Variants in UBXN2B observed in about 807,000 individuals in gnomAD.
UBXN2B encodes the protein UBX domain-containing protein 2B.
UBXN2B carries 19 observed loss-of-function variants against 37.5 expected under a neutral mutation model. That is an observed-to-expected ratio of 0.51 (90% CI 0.35 to 0.74). The LOEUF is 0.74. Ranked by LOEUF, UBXN2B falls within the 30% of genes least tolerant of loss-of-function variation. UBXN2B has a pLI of 0.01. For missense variants in UBXN2B, 370 were observed against 393.2 expected, an observed-to-expected ratio of 0.94 and a Z score of 0.50; for synonymous variants, 145 against 143.8, an observed-to-expected ratio of 1.01 and a Z score of -0.06.
chr8:58,438,629 T>C (rs1476107698), intron 5 of UBXN2B, among the ~76,000 whole-genome samples: 1 of 152,250 alleles, frequency 6.6e-6, no homozygotes, highest in Admixed American at 6.5e-5. Context: ...TATACCACCA[T>C]TCTATCTTAG....
chr8:58,411,417 A>T lies in UBXN2B; in HGVS notation c.32A>T (p.Glu11Val). The T allele has an allele frequency of 7.9e-7, 1 of 1,270,708 alleles. No individual in the cohort carries two copies. The highest frequency in any genetic ancestry group is 1.0e-6 in the Non-Finnish European group (1 of 1,002,762). The allele number at this position is 1,270,708 out of a possible 1,614,324, so 78.7% of individuals were successfully genotyped here. MAEGGGPEPG[E>V]QERRSSGPRP... ...GAGGGCGGAGGCCCTGAGCCCGGCG[A>T]GCAGGAGAGGAGGTCTTCCGGGCCG... The change falls in exon 1 of 8, where the codon GAG becomes GTG. Residue 11 changes from glutamate (E) to valine (V), a missense_variant. This residue lies in a region of UBXN2B where 197 missense variants were observed against 170.2 expected (regional missense o/e 1.16). Transcript: ENST00000399598.
chr8:58,445,408 A>G (rs887048854), intron 6 of UBXN2B, among the ~76,000 whole-genome samples: 1 of 152,246 alleles, frequency 6.6e-6, no homozygotes, highest in Non-Finnish European at 1.5e-5. Flanking sequence ...TAGTGCTGAT[A>G]ATATGTTCAC....
chr8:58,426,608 G>C (rs1225799614), intron 2 of UBXN2B: 1 of 749,640 alleles, frequency 1.3e-6, no homozygotes, highest in South Asian at 1.3e-5. Context: ...AAAAACTGCT[G>C]TCAGCTCCTC....
At chr8:58,418,266 A>AG (rs1402752132) in intron 2 of UBXN2B, among the ~76,000 whole-genome samples, 79 of 144,558 alleles carry the variant, frequency 5.5e-4, no homozygotes, top group African/African-American at 1.9e-3. Flanking sequence ...AAAAAAAAAA[A>AG]TTAATAGTAA....
chr8:58,415,848 A>G (rs1434336165), intron 1 of UBXN2B, among the ~76,000 whole-genome samples: 1 of 152,064 alleles, frequency 6.6e-6, no homozygotes, highest in Non-Finnish European at 1.5e-5. Flanking sequence ...GTGGGAGGGT[A>G]GGGGTAAAAA....
At chr8:58,424,224 TA>T (rs1216564412) in intron 2 of UBXN2B, among the ~76,000 whole-genome samples, 1 of 124,172 alleles carries the variant, frequency 8.1e-6, no homozygotes, top group African/African-American at 3.0e-5. Flanking sequence ...GTTAAGGTTA[TA>T]AAAAGAAAAA....
chr8:58,435,033 C>A (rs1203355305), intron 5 of UBXN2B: 8 of 1,474,516 alleles, frequency 5.4e-6, no homozygotes, highest in Non-Finnish European at 7.2e-6. Flanking sequence ...CTTACCAGCT[C>A]TTCTTGCTAA....
chr8:58,433,016 T>C, intron 3 of UBXN2B, 144 bp from the exon 4 acceptor site: 6 of 567,960 alleles, frequency 1.1e-5, no homozygotes, highest in Non-Finnish European at 1.5e-5. Flanking sequence ...AGTCAAGTCT[T>C]ATGGTAATTT....
chr8:58,429,490 A>C (rs1364106972), intron 2 of UBXN2B, among the ~76,000 whole-genome samples: 1 of 152,084 alleles, frequency 6.6e-6, no homozygotes, highest in African/African-American at 2.4e-5. Context: ...ATGAAGCCCC[A>C]CCTCCACCTT....
chr8:58,443,566 G>A (rs1808600996), intron 6 of UBXN2B, among the ~76,000 whole-genome samples: 1 of 151,068 alleles, frequency 6.6e-6, no homozygotes, highest in Non-Finnish European at 1.5e-5. Flanking sequence ...GCCGAGGCAG[G>A]CAGATGACTT....
rs187179075 is a variant in UBXN2B, at chr8:58,424,695, G to T, written c.189-5824G>T. 2.4e-4 allele frequency: 322 copies of T among 1,333,430 alleles called. 2 individuals carry two copies. In the African/African-American group the frequency reaches 3.2e-3, roughly 13 times the overall value. The allele number at this position is 1,333,430 out of a possible 1,614,324, so 82.6% of individuals were successfully genotyped here. A position where few individuals can be genotyped will look rare whatever the true frequency, so the allele number is the denominator to read the frequency against. On this transcript the variant is annotated intron_variant, in intron 2 of 7. Coordinates refer to ENST00000399598, the MANE Select transcript of UBXN2B (RefSeq NM_001077619.2). ...GGAGTTGGAGTACAAGGCGGGGGGG[G>T]GGGCTCTGATCTCCACTCGTCTGGT...
intron 2 of UBXN2B, chr8:58,425,684 T>A: frequency 8.6e-7 from 1 of 1,165,492 alleles, no homozygotes; most frequent in East Asian, 2.4e-5. Context: ...GTTCTCGAAT[T>A]CTGCTATTTC....
intron 6 of UBXN2B, among the ~76,000 whole-genome samples, chr8:58,441,348 C>CGTGTATATATATATATATATAT (rs1242681481): frequency 9.6e-6 from 1 of 104,660 alleles, no homozygotes; most frequent in African/African-American, 4.0e-5. Flanking sequence ...TTGTGATCAA[C>CGTGTATATATATATATATATAT]ATATATATAT....
At chr8:58,412,926 C>T (rs1029247158) in intron 1 of UBXN2B, among the ~76,000 whole-genome samples, 8 of 152,260 alleles carry the variant, frequency 5.3e-5, no homozygotes, top group African/African-American at 1.9e-4. Context: ...TATAACTTTC[C>T]CTGGCTAGTC....
At chr8:58,415,179 A>T (rs974974837) in intron 1 of UBXN2B, among the ~76,000 whole-genome samples, 3 of 152,096 alleles carry the variant, frequency 2.0e-5, no homozygotes, top group Non-Finnish European at 4.4e-5. Flanking sequence ...ATTACGTGCT[A>T]TGAGTATTTA....
chr8:58,439,937 T>C (rs1263660289), intron 6 of UBXN2B, among the ~76,000 whole-genome samples, 167 bp downstream of exon 6: 1 of 137,978 alleles, frequency 7.2e-6, no homozygotes, highest in Non-Finnish European at 1.6e-5. Context: ...GTGATACCAT[T>C]ATATCATAAT....
intron 5 of UBXN2B, among the ~76,000 whole-genome samples, chr8:58,438,502 T>G (rs1808470461): frequency 1.3e-5 from 2 of 152,206 alleles, no homozygotes; most frequent in Non-Finnish European, 2.9e-5. Flanking sequence ...CATCAAGGAT[T>G]ATTTTGGAGC....
At chr8:58,413,304 A>C (rs1363218370) in intron 1 of UBXN2B, 1 of 152,208 alleles carries the variant, frequency 6.6e-6, no homozygotes, top group East Asian at 1.9e-4. Context: ...TTTAGAACTT[A>C]ATATGAATGT....
rs1249597794 is a variant in UBXN2B, at chr8:58,426,481, T to A, written c.189-4038T>A. The A allele has an allele frequency of 5.7e-6, 4 of 702,290 alleles. No individual in the cohort carries two copies. The Admixed American group carries it at 7.1e-5, about 12-fold the overall frequency. The allele number at this position is 702,290 out of a possible 1,614,324, so 43.5% of individuals were successfully genotyped here. A position where few individuals can be genotyped will look rare whatever the true frequency, so the allele number is the denominator to read the frequency against. Reference sequence around the variant, plus strand: ...CCTCAGCCTCCCAAAGTGCTGGGATTACAGGTGTGAACCACCGTGACCGGC... The same window carrying A: ...CCTCAGCCTCCCAAAGTGCTGGGATAACAGGTGTGAACCACCGTGACCGGC... On this transcript the variant is annotated intron_variant, in intron 2 of 7. Coordinates refer to ENST00000399598, the MANE Select transcript of UBXN2B (RefSeq NM_001077619.2).
Sources: allele counts gnomAD v4.1 joint callset (sites outside exome capture counted in the v4.1 genomes callset), GRCh38; gene constraint gnomAD v4.1.1; regional missense constraint gnomAD v4.1.1; transcripts MANE v1.5; gene names NCBI Gene and HGNC (gene_info 2026-07-23, HGNC 2026-07-21).